The following SHCBP1L variants were observed in gnomAD, a reference collection of about 807,000 sequenced individuals.
SHCBP1L encodes SHC binding and spindle associated 1 like.
In SHCBP1L, 67 loss-of-function variants were observed where a neutral mutation model predicts 62.5. That is an observed-to-expected ratio of 1.07 (90% confidence interval 0.88 to 1.31). The LOEUF (loss-of-function observed/expected upper bound fraction) is 1.31. Among genes scored for constraint, SHCBP1L ranks in the 40% most tolerant of loss-of-function variants. The pLI is 0.00. For synonymous variants in SHCBP1L, 284 were observed against 289.4 expected (o/e 0.98, Z 0.19); for missense variants, 823 against 809.8 (o/e 1.02, Z -0.20).
At chr1:182,952,497 C>A (rs1296344570) in intron 1 of SHCBP1L, 18 of 499,150 alleles carry the variant, frequency 3.6e-5, no homozygotes, top group Non-Finnish European at 6.2e-5. Flanking sequence ...AGGGCTGTCC[C>A]GTTACCTGAC....
intron 7 of SHCBP1L, 104 bp from the exon 8 acceptor site, chr1:182,904,534 CGTGTGTGT>C (rs61031217): frequency 0.013 from 7,749 of 597,768 alleles, 69 homozygotes; most frequent in African/African-American, 0.055. Flanking sequence ...TCCCTGTGTG[CGTGTGTGT>C]GTGTGTGTGT....
At chr1:182,948,187 G>T (rs985046334) in intron 2 of SHCBP1L, among the ~76,000 whole-genome samples, 1 of 152,128 alleles carries the variant, frequency 6.6e-6, no homozygotes, top group African/African-American at 2.4e-5. Context: ...CACTGTTCAG[G>T]AGTCAACACT....
At chr1:182,911,360 C>T (rs1031719021) in intron 6 of SHCBP1L, among the ~76,000 whole-genome samples, 2 of 152,070 alleles carry the variant, frequency 1.3e-5, no homozygotes, top group Admixed American at 6.5e-5. Flanking sequence ...CATAAACAAC[C>T]GAAACAAACC....
chr1:182,942,453 G>A (rs1227685155), intron 2 of SHCBP1L: 2 of 676,036 alleles, frequency 3.0e-6, no homozygotes, highest in Non-Finnish European at 5.5e-6. Flanking sequence ...GTGGCGCGCC[G>A]AGAGCCTCCG....
intron 6 of SHCBP1L, among the ~76,000 whole-genome samples, chr1:182,911,391 A>G (rs1650183984): frequency 6.6e-6 from 1 of 152,228 alleles, no homozygotes; most frequent in East Asian, 1.9e-4. Flanking sequence ...GTAGAATCCA[A>G]TTTCCAGAGT....
chr1:182,934,950 C>T (rs1651118897), intron 5 of SHCBP1L, among the ~76,000 whole-genome samples: 1 of 152,060 alleles, frequency 6.6e-6, no homozygotes, highest in Admixed American at 6.5e-5. Context: ...TGCCCTTTGT[C>T]AAGTCAGTCT....
intron 6 of SHCBP1L, among the ~76,000 whole-genome samples, chr1:182,912,415 C>T (rs1459862233): frequency 6.6e-6 from 1 of 152,182 alleles, no homozygotes; most frequent in East Asian, 1.9e-4. Context: ...GAAAGCTGAC[C>T]TCATAACATT....
chr1:182,924,934 G>GAAA (rs1571346546), intron 6 of SHCBP1L, among the ~76,000 whole-genome samples: 2,333 of 100,638 alleles, frequency 0.023, 45 homozygotes, highest in Admixed American at 0.036. Flanking sequence ...AAGGAAGGAA[G>GAAA]GAAGAAAGAA....
At chr1:182,951,174 T>C (rs1651733147) in intron 2 of SHCBP1L, 144 bp downstream of exon 2, 3 of 588,282 alleles carry the variant, frequency 5.1e-6, no homozygotes, top group Non-Finnish European at 8.1e-6. Flanking sequence ...AACCTTCTTT[T>C]TACACTATTA....
intron 6 of SHCBP1L, among the ~76,000 whole-genome samples, chr1:182,920,214 G>A (rs1027259151): frequency 3.3e-5 from 5 of 152,148 alleles, no homozygotes; most frequent in East Asian, 3.8e-4. Flanking sequence ...AGCCCCTCCA[G>A]TGCAGGAGGT....
intron 6 of SHCBP1L, among the ~76,000 whole-genome samples, chr1:182,925,106 GAAA>G (rs1650700552): frequency 1.3e-5 from 2 of 149,484 alleles, no homozygotes; most frequent in African/African-American, 5.0e-5. Flanking sequence ...AAGAAGTGAA[GAAA>G]GAAAGAAGGA....
At chr1:182,924,786 A>AAGAAAGAG (rs1557996865) in intron 6 of SHCBP1L, among the ~76,000 whole-genome samples, 39 of 92,984 alleles carry the variant, frequency 4.2e-4, no homozygotes, top group African/African-American at 1.7e-3. Flanking sequence ...GAAAGAAAGA[A>AAGAAAGAG]AGAGAGAAAG....
intron 5 of SHCBP1L, among the ~76,000 whole-genome samples, chr1:182,934,303 A>G (rs1651099066): frequency 6.6e-6 from 1 of 152,142 alleles, no homozygotes; most frequent in Non-Finnish European, 1.5e-5. Flanking sequence ...TTGCATTCTA[A>G]CCAACAAAGA....
intron 2 of SHCBP1L, among the ~76,000 whole-genome samples, chr1:182,946,965 G>A (rs764250844): frequency 1.3e-4 from 20 of 152,120 alleles, no homozygotes; most frequent in South Asian, 2.1e-4. Context: ...GGCTGGGCAC[G>A]GTGGCTTACG....
chr1:182,908,763 G>A (rs1406061588), intron 6 of SHCBP1L, among the ~76,000 whole-genome samples: 4 of 152,102 alleles, frequency 2.6e-5, no homozygotes, highest in Non-Finnish European at 5.9e-5. Context: ...GAATCAAAAG[G>A]TATAAACATT....
Position 182,951,964 on chromosome 1 carries a change from G to T in SHCBP1L, c.406-497C>A, listed in dbSNP as rs562478613. 7.0e-5 allele frequency: 24 copies of T among 340,682 alleles called. No homozygotes were observed. The East Asian group carries it at 3.1e-3, about 44-fold the overall frequency. The allele number at this position is 340,682 out of a possible 1,614,324, so 21.1% of individuals were successfully genotyped here. On this transcript the variant is annotated intron_variant, in intron 1 of 9. Transcript: ENST00000367547. ...GAGGTCGGGAGTTCGAGTCCAGCCT[G>T]ACCAACTGGAGAAACCCCATCTGTA...
chr1:182,926,697 G>C (rs892289338), intron 6 of SHCBP1L, among the ~76,000 whole-genome samples: 32 of 151,980 alleles, frequency 2.1e-4, no homozygotes, highest in African/African-American at 7.5e-4. Context: ...GGAAAAGCCT[G>C]TGATCAACAA....
At chr1:182,912,738 G>A (rs1490715534) in intron 6 of SHCBP1L, among the ~76,000 whole-genome samples, 1 of 151,714 alleles carries the variant, frequency 6.6e-6, no homozygotes, top group Non-Finnish European at 1.5e-5. Flanking sequence ...GGCCAGGCTG[G>A]TCTCAAACTC....
At chr1:182,904,527 C>CTGTGTGAG in intron 7 of SHCBP1L, 97 bp from the exon 8 acceptor site, 2 of 1,213,368 alleles carry the variant, frequency 1.6e-6, no homozygotes, top group South Asian at 1.4e-5. Flanking sequence ...AAGTTTTTCC[C>CTGTGTGAG]TGTGTGCGTG....
Sources: allele counts gnomAD v4.1 joint callset (sites outside exome capture counted in the v4.1 genomes callset), GRCh38; gene constraint gnomAD v4.1.1; transcripts MANE v1.5; gene names NCBI Gene and HGNC (gene_info 2026-07-23, HGNC 2026-07-21).